Variants in SUPT3H observed in about 807,000 individuals in gnomAD.
The protein encoded by SUPT3H is transcription initiation protein SPT3 homolog.
In SUPT3H, 44 loss-of-function variants were observed where a neutral mutation model predicts 44.3. That is an observed-to-expected ratio of 0.99 (90% CI 0.78 to 1.28). The LOEUF (loss-of-function observed/expected upper bound fraction) is 1.28, where lower values mean the gene tolerates loss of function less well. Ranked by LOEUF, SUPT3H falls within the 50% of genes most tolerant of loss-of-function variation. SUPT3H has a pLI of 0.00. For missense variants in SUPT3H, 380 were observed against 387.1 expected (o/e 0.98, Z 0.15); for synonymous variants, 124 against 125.6 (o/e 0.99, Z 0.09).
At chr6:44,909,136 T>TGTGTGC (rs1302682502) in intron 10 of SUPT3H, among the ~76,000 whole-genome samples, 1 of 87,714 alleles carries the variant, frequency 1.1e-5, no homozygotes, top group Admixed American at 1.4e-4. Context: ...TGTGTGTGTG[T>TGTGTGC]GTGTGCGTGT....
At chr6:45,032,811 C>G (rs1787144589) in intron 3 of SUPT3H, among the ~76,000 whole-genome samples, 1 of 152,182 alleles carries the variant, frequency 6.6e-6, no homozygotes, top group Non-Finnish European at 1.5e-5. Context: ...CCACTCAGCA[C>G]TCTTCTCTAC....
intron 11 of SUPT3H, among the ~76,000 whole-genome samples, chr6:44,811,032 G>T (rs1039990576): frequency 6.6e-6 from 1 of 152,066 alleles, no homozygotes; most frequent in African/African-American, 2.4e-5. Flanking sequence ...TGATACATTT[G>T]TCACAATTAA....
intron 3 of SUPT3H, among the ~76,000 whole-genome samples, chr6:45,074,294 C>T (rs921841002): frequency 4.6e-5 from 7 of 151,802 alleles, no homozygotes; most frequent in Admixed American, 2.6e-4. Context: ...ATAATAGATA[C>T]CATATAAACA....
intron 2 of SUPT3H, among the ~76,000 whole-genome samples, chr6:45,270,325 G>C (rs946698549): frequency 1.3e-5 from 2 of 151,974 alleles, no homozygotes; most frequent in African/African-American, 4.8e-5. Flanking sequence ...GACAGATATG[G>C]TTTGGCTGTG....
chr6:45,240,478 T>C (rs542686680), intron 2 of SUPT3H, among the ~76,000 whole-genome samples: 1 of 152,360 alleles, frequency 6.6e-6, no homozygotes. Flanking sequence ...GTATTTACCA[T>C]AATAAATCTG....
intron 10 of SUPT3H, among the ~76,000 whole-genome samples, chr6:44,921,127 A>C (rs1768652605): frequency 6.6e-6 from 1 of 152,130 alleles, no homozygotes. Context: ...CCTCCCTCCC[A>C]ATATATTTCT....
intron 10 of SUPT3H, among the ~76,000 whole-genome samples, chr6:44,885,540 C>A (rs544030808): frequency 5.9e-5 from 9 of 152,306 alleles, no homozygotes; most frequent in Admixed American, 1.3e-4. Flanking sequence ...CTCCAACAGA[C>A]CTGCAGCTAA....
intron 6 of SUPT3H, among the ~76,000 whole-genome samples, chr6:44,997,124 T>C (rs552651575): frequency 6.6e-6 from 1 of 151,916 alleles, no homozygotes; most frequent in Non-Finnish European, 1.5e-5. Flanking sequence ...TCTCCTACTC[T>C]TCTTTAATGA....
At chr6:45,126,455 C>T (rs1423434830) in intron 2 of SUPT3H, among the ~76,000 whole-genome samples, 1 of 152,194 alleles carries the variant, frequency 6.6e-6, no homozygotes, top group East Asian at 1.9e-4. Context: ...GTAATGAGAA[C>T]CAGTGCCAGT....
chr6:44,901,215 A>G (rs1764984702), intron 10 of SUPT3H, among the ~76,000 whole-genome samples: 1 of 152,220 alleles, frequency 6.6e-6, no homozygotes, highest in African/African-American at 2.4e-5. Flanking sequence ...TCAGACAATC[A>G]AACTACTCCG....
At chr6:45,290,746 A>C (rs1030126249) in intron 2 of SUPT3H, among the ~76,000 whole-genome samples, 1 of 152,186 alleles carries the variant, frequency 6.6e-6, no homozygotes, top group Non-Finnish European at 1.5e-5. Flanking sequence ...GTAGTGTCAC[A>C]TGATAACAGT....
intron 2 of SUPT3H, among the ~76,000 whole-genome samples, chr6:45,272,163 A>G (rs990450936): frequency 6.6e-6 from 1 of 152,174 alleles, no homozygotes; most frequent in African/African-American, 2.4e-5. Context: ...TAATGCTGAA[A>G]TGAGTTAAGA....
At chr6:45,233,986 T>C (rs1349513969) in intron 2 of SUPT3H, among the ~76,000 whole-genome samples, 3 of 152,186 alleles carry the variant, frequency 2.0e-5, no homozygotes, top group Non-Finnish European at 4.4e-5. Context: ...ATGGATACAT[T>C]CTCAAATTCT....
At chr6:45,354,854 T>C (rs771948222) in intron 2 of SUPT3H, among the ~76,000 whole-genome samples, 33 of 152,148 alleles carry the variant, frequency 2.2e-4, no homozygotes, top group Non-Finnish European at 5.9e-5. Flanking sequence ...AGTCCTGTGA[T>C]ATATATTAAG....
At chr6:45,169,457 C>T (rs1241101283) in intron 2 of SUPT3H, among the ~76,000 whole-genome samples, 2 of 152,142 alleles carry the variant, frequency 1.3e-5, no homozygotes, top group South Asian at 4.2e-4. Context: ...GCACTAGATG[C>T]TACATTATTC....
chr6:44,906,138 C>T (rs977061886), intron 10 of SUPT3H, among the ~76,000 whole-genome samples: 2 of 152,150 alleles, frequency 1.3e-5, no homozygotes, highest in South Asian at 2.1e-4. Context: ...CTAACCTGCA[C>T]ATTGTGCACA....
chr6:45,026,985 CTTTTTTTTT>C (rs34588777), intron 3 of SUPT3H, among the ~76,000 whole-genome samples: 1 of 87,510 alleles, frequency 1.1e-5, no homozygotes, highest in Non-Finnish European at 2.1e-5. Context: ...GCTTTGGATC[CTTTTTTTTT>C]TTTTTTTTTT....
At chr6:45,305,269 A>T (rs1486204875) in intron 2 of SUPT3H, among the ~76,000 whole-genome samples, 1 of 152,182 alleles carries the variant, frequency 6.6e-6, no homozygotes, top group East Asian at 1.9e-4. Flanking sequence ...ATTACATAAT[A>T]TCATGGTCTT....
chr6:45,277,148 G>A (rs982971926), intron 2 of SUPT3H, among the ~76,000 whole-genome samples: 3 of 151,578 alleles, frequency 2.0e-5, no homozygotes, highest in African/African-American at 4.8e-5. Context: ...ATTCATTTTG[G>A]GACTCTCCAT....
Sources: allele counts gnomAD v4.1 joint callset (sites outside exome capture counted in the v4.1 genomes callset), GRCh38; gene constraint gnomAD v4.1.1; transcripts MANE v1.5; gene names NCBI Gene and HGNC (gene_info 2026-07-23, HGNC 2026-07-21).